KYNU: variants seen among roughly 807,000 people sequenced by gnomAD.
The protein encoded by KYNU is L-kynurenine hydrolase.
KYNU carries 54 observed loss-of-function variants against 59.2 expected under a neutral mutation model. The ratio of observed to expected loss-of-function variants is 0.91; its 90% CI spans 0.73 to 1.14. The LOEUF (loss-of-function observed/expected upper bound fraction) is 1.14, where lower values mean the gene tolerates loss of function less well. Ranked by LOEUF, KYNU falls within the 50% of genes most tolerant of loss-of-function variation. The pLI, the probability that KYNU is intolerant of heterozygous loss-of-function variation, is 0.00. For missense variants in KYNU, 567 were observed against 554.4 expected, an observed-to-expected ratio of 1.02 and a Z score of -0.23; for synonymous variants, 177 against 192.0, an observed-to-expected ratio of 0.92 and a Z score of 0.65.
chr2:142,989,737 A>G (rs892368867), intron 10 of KYNU: 1 of 154,516 alleles, frequency 6.5e-6, no homozygotes, highest in African/African-American at 2.4e-5. Flanking sequence ...GCTTGGTTAA[A>G]CAGAAAGCTT....
intron 8 of KYNU, among the ~76,000 whole-genome samples, chr2:142,976,865 A>G (rs1684899284): frequency 6.6e-6 from 1 of 152,104 alleles, no homozygotes; most frequent in South Asian, 2.1e-4. Context: ...GGGAAAGACA[A>G]CTCGAAGCTG....
intron 1 of KYNU, among the ~76,000 whole-genome samples, chr2:142,883,980 T>C (rs72849116): frequency 0.012 from 1,874 of 152,308 alleles, 19 homozygotes; most frequent in Non-Finnish European, 0.017. Flanking sequence ...TAAATCTAAC[T>C]AGCCCAAAGA....
intron 2 of KYNU, among the ~76,000 whole-genome samples, chr2:142,895,939 T>C (rs890449979): frequency 2.0e-5 from 3 of 152,184 alleles, no homozygotes; most frequent in African/African-American, 7.2e-5. Context: ...TCCTTGGCCT[T>C]CCAAAGTGCT....
intron 12 of KYNU, among the ~76,000 whole-genome samples, chr2:143,033,798 A>G (rs924683347): frequency 6.6e-6 from 1 of 152,204 alleles, no homozygotes; most frequent in African/African-American, 2.4e-5. Context: ...ACCAAGTACC[A>G]TGTGACAAAG....
chr2:143,023,449 A>G (rs1686463784), intron 10 of KYNU, among the ~76,000 whole-genome samples: 1 of 151,878 alleles, frequency 6.6e-6, no homozygotes, highest in East Asian at 1.9e-4. Flanking sequence ...AGCGTTAAAC[A>G]TTTATGTTAG....
intron 10 of KYNU, among the ~76,000 whole-genome samples, chr2:143,023,270 G>T (rs1409035667): frequency 6.6e-6 from 1 of 151,764 alleles, no homozygotes; most frequent in Non-Finnish European, 1.5e-5. Context: ...CCAGGTAATT[G>T]AGTCTTTTCA....
intron 4 of KYNU, among the ~76,000 whole-genome samples, chr2:142,928,845 A>C (rs1683120896): frequency 6.6e-6 from 1 of 151,450 alleles, no homozygotes; most frequent in Admixed American, 6.6e-5. Context: ...CCATCTCTAC[A>C]AAAAAATTTT....
intron 10 of KYNU, among the ~76,000 whole-genome samples, chr2:142,993,716 C>T (rs145087791): frequency 7.9e-5 from 12 of 151,750 alleles, no homozygotes; most frequent in African/African-American, 1.5e-4. Flanking sequence ...CATTGAGGCA[C>T]GAGCACAGTT....
chr2:142,999,007 C>CAAAAAAAAA, intron 10 of KYNU, among the ~76,000 whole-genome samples: 1 of 63,490 alleles, frequency 1.6e-5, no homozygotes. Flanking sequence ...GACTCCGTCT[C>CAAAAAAAAA]AAAAAAAAAA....
At chr2:143,030,205 A>G (rs192557150) in intron 11 of KYNU, among the ~76,000 whole-genome samples, 22 of 152,372 alleles carry the variant, frequency 1.4e-4, no homozygotes, top group African/African-American at 5.3e-4. Flanking sequence ...TACCTTAATA[A>G]ATACTCATTT....
intron 10 of KYNU, among the ~76,000 whole-genome samples, chr2:143,005,972 G>T (rs1267499365): frequency 1.3e-5 from 2 of 152,148 alleles, no homozygotes; most frequent in Non-Finnish European, 2.9e-5. Flanking sequence ...TGTAAGTAGA[G>T]TCTAGAATAC....
At chr2:142,891,504 A>G (rs1681713418) in intron 2 of KYNU, among the ~76,000 whole-genome samples, 1 of 152,214 alleles carries the variant, frequency 6.6e-6, no homozygotes, top group Non-Finnish European at 1.5e-5. Flanking sequence ...AGTAGACTTT[A>G]GTAAGTACTT....
chr2:142,968,889 C>A (rs908325802), intron 8 of KYNU, among the ~76,000 whole-genome samples: 2 of 152,042 alleles, frequency 1.3e-5, no homozygotes, highest in Admixed American at 6.6e-5. Flanking sequence ...CTCCAGCCTG[C>A]TGGACAGAGT....
chr2:143,028,076 A>G (rs1686627234), intron 10 of KYNU, among the ~76,000 whole-genome samples: 1 of 152,004 alleles, frequency 6.6e-6, no homozygotes, highest in Non-Finnish European at 1.5e-5. Flanking sequence ...CATCACTAAA[A>G]CTAAAATATT....
intron 10 of KYNU, among the ~76,000 whole-genome samples, chr2:143,000,824 T>C (rs1251426665): frequency 1.3e-5 from 2 of 152,168 alleles, no homozygotes; most frequent in Non-Finnish European, 2.9e-5. Flanking sequence ...GGTGCTTTTT[T>C]TCCTCTGGCC....
chr2:142,939,702 G>A (rs555415588), intron 4 of KYNU, among the ~76,000 whole-genome samples: 1 of 149,748 alleles, frequency 6.7e-6, no homozygotes, highest in South Asian at 2.1e-4. Flanking sequence ...AGGAGTGACT[G>A]AAAAAAAAAT....
intron 2 of KYNU, 139 bp from the exon 3 acceptor site, chr2:142,918,470 T>A (rs1264750718): frequency 5.4e-6 from 5 of 928,972 alleles, no homozygotes; most frequent in Non-Finnish European, 7.8e-6. Flanking sequence ...GAGGACCTGA[T>A]GTCATCCTTG....
At chr2:142,945,029 G>A (rs1683727095) in intron 4 of KYNU, among the ~76,000 whole-genome samples, 1 of 152,164 alleles carries the variant, frequency 6.6e-6, no homozygotes, top group Non-Finnish European at 1.5e-5. Flanking sequence ...AACCTTCAGT[G>A]AGCTGTAATC....
intron 4 of KYNU, among the ~76,000 whole-genome samples, chr2:142,938,805 T>C (rs1052152991): frequency 2.6e-5 from 4 of 151,340 alleles, no homozygotes; most frequent in African/African-American, 7.2e-5. Flanking sequence ...TATGAATATG[T>C]TAACCTATTA....
Sources: allele counts gnomAD v4.1 joint callset (sites outside exome capture counted in the v4.1 genomes callset), GRCh38; gene constraint gnomAD v4.1.1; transcripts MANE v1.5; gene names NCBI Gene and HGNC (gene_info 2026-07-23, HGNC 2026-07-21).